GAS2: variants seen among roughly 807,000 people sequenced by gnomAD.
GAS2 encodes the protein growth arrest specific 2, also known as growth arrest-specific protein 2.
Under a neutral mutation model 37.5 loss-of-function variants are expected in GAS2, and 20 were observed. The observed-to-expected ratio is 0.53, with a 90% CI of 0.37 to 0.77. The LOEUF is 0.77. Ranked by LOEUF, GAS2 falls within the 30% of genes least tolerant of loss-of-function variation. The pLI is 0.00. For synonymous variants in GAS2, 144 were observed against 132.2 expected, an observed-to-expected ratio of 1.09 and a Z score of -0.61; for missense variants, 336 against 373.4, an observed-to-expected ratio of 0.90 and a Z score of 0.82.
chr11:22,755,988 G>A (rs1473600241), intron 7 of GAS2, 35 bp downstream of exon 7: 2 of 1,436,106 alleles, frequency 1.4e-6, no homozygotes, highest in Non-Finnish European at 1.9e-6. Flanking sequence ...TTGTTTTTAT[G>A]GGAAGATTCA....
intron 1 of GAS2, among the ~76,000 whole-genome samples, chr11:22,632,646 T>C (rs1210673913): frequency 6.6e-6 from 1 of 152,192 alleles, no homozygotes; most frequent in East Asian, 1.9e-4. Flanking sequence ...AATAAATAAG[T>C]TTTCAAAACT....
intron 7 of GAS2, among the ~76,000 whole-genome samples, chr11:22,779,634 G>A (rs1855448610): frequency 6.6e-6 from 1 of 151,986 alleles, no homozygotes; most frequent in Non-Finnish European, 1.5e-5. Flanking sequence ...GGAGGTGGAG[G>A]TTGCTGTAAG....
intron 2 of GAS2, among the ~76,000 whole-genome samples, chr11:22,680,311 C>T (rs1590620942): frequency 6.6e-6 from 1 of 152,050 alleles, no homozygotes; most frequent in South Asian, 2.1e-4. Context: ...GCAGCAGAAC[C>T]AGCTTGATCT....
intron 3 of GAS2, among the ~76,000 whole-genome samples, chr11:22,704,588 C>CATATATATATATATATATATATATAT (rs3049395): frequency 4.4e-5 from 4 of 90,506 alleles, no homozygotes; most frequent in East Asian, 3.7e-4. Context: ...TGAAAATAAA[C>CATATATATATATATATATATATATAT]ATATATATAT....
chr11:22,799,275 A>T lies in GAS2; in HGVS notation c.724-12523A>T, dbSNP rs183475989. 3.0e-3 allele frequency among the ~76,000 whole-genome samples: 462 copies of T among 152,180 alleles called. 4 individuals are homozygous for T. Among genetic ancestry groups the T allele is most frequent in the African/African-American group, 0.011 (439 of 41,556 alleles). On this transcript the variant is annotated intron_variant, in intron 7 of 7. Coordinates refer to ENST00000454584, the MANE Select transcript of GAS2 (RefSeq NM_001143830.3). Reference sequence around the variant, plus strand: ...ATGAGACCCAGAGTTGCACTGAGGGAACCATGGCACTTAAGCATTAAAAGA... The same window carrying T: ...ATGAGACCCAGAGTTGCACTGAGGGTACCATGGCACTTAAGCATTAAAAGA...
At chr11:22,712,539 C>T (rs932792210) in intron 3 of GAS2, among the ~76,000 whole-genome samples, 1 of 152,194 alleles carries the variant, frequency 6.6e-6, no homozygotes, top group African/African-American at 2.4e-5. Flanking sequence ...TGGGACAAAA[C>T]AATCTGAACA....
At chr11:22,632,407 T>C (rs1327081011) in intron 1 of GAS2, among the ~76,000 whole-genome samples, 2 of 152,218 alleles carry the variant, frequency 1.3e-5, no homozygotes, top group Non-Finnish European at 2.9e-5. Context: ...AGGCTTCTGC[T>C]GAGAAGTCTG....
At chr11:22,660,855 G>A (rs1460424508) in intron 1 of GAS2, among the ~76,000 whole-genome samples, 1 of 152,060 alleles carries the variant, frequency 6.6e-6, no homozygotes, top group Admixed American at 6.6e-5. Context: ...TCTCACTTTG[G>A]GCTTGGAGTA....
chr11:22,655,581 A>G (rs912507490), intron 1 of GAS2, among the ~76,000 whole-genome samples: 2 of 152,244 alleles, frequency 1.3e-5, no homozygotes, highest in Non-Finnish European at 1.5e-5. Context: ...CATAAACTTC[A>G]TATTGTGGAA....
intron 7 of GAS2, among the ~76,000 whole-genome samples, chr11:22,808,723 T>C (rs1385883675): frequency 6.6e-6 from 1 of 152,194 alleles, no homozygotes; most frequent in African/African-American, 2.4e-5. Context: ...TTAAATGTAA[T>C]TTGCAGAGCT....
chr11:22,681,222 T>C (rs891228828), intron 2 of GAS2, among the ~76,000 whole-genome samples: 1 of 152,212 alleles, frequency 6.6e-6, no homozygotes, highest in African/African-American at 2.4e-5. Context: ...ATAAAAGTTA[T>C]GGCAAACATA....
At chr11:22,636,962 AATG>A (rs916938532) in intron 1 of GAS2, among the ~76,000 whole-genome samples, 4 of 141,602 alleles carry the variant, frequency 2.8e-5, no homozygotes, top group African/African-American at 7.7e-5. Flanking sequence ...TGTTACTATT[AATG>A]ATATTTATAT....
chr11:22,640,288 A>G (rs1367677715), intron 1 of GAS2, among the ~76,000 whole-genome samples: 1 of 152,210 alleles, frequency 6.6e-6, no homozygotes, highest in Non-Finnish European at 1.5e-5. Context: ...AGATGTAACA[A>G]TGTATGTATA....
chr11:22,652,398 G>T (rs906351136), intron 1 of GAS2, among the ~76,000 whole-genome samples: 11 of 152,222 alleles, frequency 7.2e-5, no homozygotes, highest in African/African-American at 2.7e-4. Context: ...TGCCCCCAGA[G>T]GTGGAGCCTA....
chr11:22,648,536 T>C (rs1181056128), intron 1 of GAS2, among the ~76,000 whole-genome samples: 2 of 152,228 alleles, frequency 1.3e-5, no homozygotes, highest in Non-Finnish European at 2.9e-5. Context: ...TTTCACAATA[T>C]TGATTCTTCC....
At chr11:22,793,612 A>G (rs868266319) in intron 7 of GAS2, among the ~76,000 whole-genome samples, 3 of 152,172 alleles carry the variant, frequency 2.0e-5, no homozygotes, top group Non-Finnish European at 4.4e-5. Flanking sequence ...GATCTTGGGG[A>G]GAAAGTTTCT....
At chr11:22,696,860 T>A (rs1351418928) in intron 3 of GAS2, among the ~76,000 whole-genome samples, 4 of 150,858 alleles carry the variant, frequency 2.7e-5, no homozygotes, top group Non-Finnish European at 5.9e-5. Flanking sequence ...GTCAGATGAG[T>A]AGGTTGCGAA....
intron 3 of GAS2, among the ~76,000 whole-genome samples, chr11:22,696,902 A>C (rs1361476215): frequency 4.1e-5 from 6 of 147,916 alleles, no homozygotes; most frequent in African/African-American, 7.5e-5. Flanking sequence ...TTGCCTGTTC[A>C]CTCTGATGGT....
chr11:22,642,331 G>A (rs549659135), intron 1 of GAS2, among the ~76,000 whole-genome samples: 1 of 152,244 alleles, frequency 6.6e-6, no homozygotes, highest in African/African-American at 2.4e-5. Context: ...TTTTAATGGA[G>A]AGAAGAATGA....
Sources: gnomAD v4.1 joint callset for allele counts (sites outside exome capture counted in the v4.1 genomes callset) on GRCh38, gnomAD v4.1.1 for gene constraint, MANE v1.5 for transcripts, NCBI Gene and HGNC (gene_info 2026-07-23, HGNC 2026-07-21) for gene names.